MAPKAPK3: variants seen among roughly 807,000 people sequenced by gnomAD.
MAPKAPK3 encodes MAP kinase-activated protein kinase 3.
In MAPKAPK3, 35 loss-of-function variants were observed where a neutral mutation model predicts 49.2. The ratio of observed to expected loss-of-function variants is 0.71; its 90% CI spans 0.54 to 0.94. The LOEUF is 0.94. Ranked by LOEUF, MAPKAPK3 falls within the 40% of genes least tolerant of loss-of-function variation. MAPKAPK3 has a pLI of 0.00. For synonymous variants in MAPKAPK3, 178 were observed against 188.7 expected (o/e 0.94, Z 0.46); for missense variants, 398 against 493.1 (o/e 0.81, Z 1.83).
intron 6 of MAPKAPK3, among the ~76,000 whole-genome samples, chr3:50,644,965 A>G (rs140236094): frequency 6.6e-6 from 1 of 152,292 alleles, no homozygotes; most frequent in Non-Finnish European, 1.5e-5. Flanking sequence ...CGGTCACTAA[A>G]GCCAGGGCTT....
chr3:50,624,678 G>A (rs532946140), intron 2 of MAPKAPK3, among the ~76,000 whole-genome samples: 7 of 152,228 alleles, frequency 4.6e-5, no homozygotes, highest in African/African-American at 1.7e-4. Flanking sequence ...TTCCTCTGCT[G>A]GGGACATCAT....
At chr3:50,639,626 C>G (rs537186138) in intron 2 of MAPKAPK3, among the ~76,000 whole-genome samples, 55 of 152,222 alleles carry the variant, frequency 3.6e-4, no homozygotes, top group South Asian at 2.5e-3. Context: ...TACTTTTACC[C>G]CTACAGGAGT....
chr3:50,618,470 T>C (rs965563808), intron 2 of MAPKAPK3, among the ~76,000 whole-genome samples: 1 of 149,574 alleles, frequency 6.7e-6, no homozygotes, highest in African/African-American at 2.5e-5. Context: ...CTGATATAGG[T>C]GGCATGGTGG....
At chr3:50,613,123 C>G (rs963536279), upstream of MAPKAPK3, among the ~76,000 whole-genome samples, 8 of 151,772 alleles carry the variant, frequency 5.3e-5, no homozygotes, top group Admixed American at 5.2e-4. Context: ...GGGTCCACTC[C>G]CCACCCCCAT....
chr3:50,617,516 G>A lies in MAPKAPK3; in HGVS notation c.-50G>A, dbSNP rs777699096. The A allele has an allele frequency of 1.6e-5, 14 of 867,982 alleles. No homozygotes were observed. The South Asian group carries it at 1.9e-4, about 12-fold the overall frequency. The allele number at this position is 867,982 out of a possible 1,614,324, so 53.8% of individuals were successfully genotyped here. On this transcript the variant is annotated splice_region_variant and 5_prime_UTR_variant, in exon 2 of 11. Coordinates refer to ENST00000621469, the MANE Select transcript of MAPKAPK3 (RefSeq NM_001243925.2). ...CTCACTCTTCCCCTTTCCCCCAGGT[G>A]CCACTAGAAGCGCCAGGCTGGGGCC...
chr3:50,628,261 A>G (rs563936585), intron 2 of MAPKAPK3, among the ~76,000 whole-genome samples: 145 of 152,152 alleles, frequency 9.5e-4, no homozygotes, highest in Non-Finnish European at 1.7e-3. Context: ...TGCCCTGGCC[A>G]CCCCTGCTAG....
intron 2 of MAPKAPK3, among the ~76,000 whole-genome samples, chr3:50,618,349 TC>T (rs2107570946): frequency 6.6e-6 from 1 of 152,282 alleles, no homozygotes; most frequent in Non-Finnish European, 1.5e-5. Context: ...GAGTCGCTGG[TC>T]CCGTGTTGAA....
At chr3:50,646,479 C>T (rs916043523) in intron 8 of MAPKAPK3, among the ~76,000 whole-genome samples, 6 of 152,226 alleles carry the variant, frequency 3.9e-5, no homozygotes, top group Admixed American at 3.9e-4. Context: ...CTCCCTCTAA[C>T]TCCTATTCCT....
intron 6 of MAPKAPK3, among the ~76,000 whole-genome samples, chr3:50,645,477 T>C (rs1471276143): frequency 6.6e-6 from 1 of 152,182 alleles, no homozygotes; most frequent in East Asian, 1.9e-4. Context: ...GTAGAGGGGC[T>C]CAGGCCCAAG....
upstream of MAPKAPK3, among the ~76,000 whole-genome samples, chr3:50,614,523 G>GTGTT (rs1319617208): frequency 2.0e-5 from 3 of 151,562 alleles, no homozygotes; most frequent in Non-Finnish European, 2.9e-5. Flanking sequence ...GTGTGTGTGT[G>GTGTT]TGTGTGTGTG....
At chr3:50,634,889 G>GCCATGGGGACCCAGAGGCTGCT (rs1201783521) in intron 2 of MAPKAPK3, among the ~76,000 whole-genome samples, 27 of 152,314 alleles carry the variant, frequency 1.8e-4, no homozygotes, top group African/African-American at 5.8e-4. Flanking sequence ...GGATATGGAG[G>GCCATGGGGACCCAGAGGCTGCT]CCATGGGGAC....
exon 1 of MAPKAPK3, chr3:50,612,098 G>A (rs996013666): frequency 1.2e-4 from 21 of 175,864 alleles, no homozygotes; most frequent in South Asian, 3.3e-4. Context: ...AGCAGCGCGT[G>A]GACCCGGGGC....
upstream of MAPKAPK3, among the ~76,000 whole-genome samples, chr3:50,613,456 G>A (rs2032388020): frequency 6.6e-6 from 1 of 152,220 alleles, no homozygotes; most frequent in Non-Finnish European, 1.5e-5. Flanking sequence ...TTGGAATGGG[G>A]GTAGGGGGGA....
In MAPKAPK3 at chr3:50,646,137, C is replaced by T. The variant is rs760757888; in HGVS notation, c.705-3C>T. Reference sequence around the variant, plus strand: ...ATGCCAAATGACTTACCCCTTCCCCCAGCCTTTGTGGCTTCCCACCCTTCT... The same window carrying T: ...ATGCCAAATGACTTACCCCTTCCCCTAGCCTTTGTGGCTTCCCACCCTTCT... On this transcript the variant is annotated splice_polypyrimidine_tract_variant and splice_region_variant and intron_variant, in intron 7 of 10. Coordinates refer to ENST00000621469, the MANE Select transcript of MAPKAPK3 (RefSeq NM_001243925.2). 1.9e-6 allele frequency: 3 copies of T among 1,612,944 alleles called. No homozygotes were observed. Among genetic ancestry groups the T allele is most frequent in the Non-Finnish European group, 2.5e-6 (3 of 1,179,204 alleles).
At chr3:50,617,103 A>AGGG (rs1190798096), upstream of MAPKAPK3, 1 of 6,696 alleles carries the variant, frequency 1.5e-4, no homozygotes, top group African/African-American at 4.3e-4. Context: ...GGAGTGGGGG[A>AGGG]GGGGGGGGTG....
chr3:50,618,998 G>A (rs1010166504), intron 2 of MAPKAPK3, among the ~76,000 whole-genome samples: 12 of 152,092 alleles, frequency 7.9e-5, no homozygotes, highest in Non-Finnish European at 1.5e-5. Flanking sequence ...CTTTACACAA[G>A]TTTTAATTAT....
At chr3:50,626,537 C>T (rs1250781687) in intron 2 of MAPKAPK3, among the ~76,000 whole-genome samples, 1 of 152,206 alleles carries the variant, frequency 6.6e-6, no homozygotes, top group African/African-American at 2.4e-5. Flanking sequence ...ACAAGAGACC[C>T]ATAGCTCATC....
In MAPKAPK3 at chr3:50,617,604, G is replaced by T; in HGVS notation, c.39G>T (p.Val13=). 1 of 1,600,754 alleles carries T rather than the reference G, an allele frequency of 6.2e-7. No homozygotes were observed. The highest frequency in any genetic ancestry group is 8.5e-7 in the Non-Finnish European group (1 of 1,170,206). Residue 13 remains valine (V), a synonymous_variant, in exon 2 of 11, where the codon GTG becomes GTT. Transcript: ENST00000621469. ...CAGCAGAGGAGCAGGGGGGCCCTGT[G>T]CCCCCGCCAGTTGCACCCGGCGGAC... ...GETAEEQGGP[V]PPPVAPGGPG...
chr3:50,615,424 T>C (rs1235482839), upstream of MAPKAPK3, among the ~76,000 whole-genome samples: 1 of 152,238 alleles, frequency 6.6e-6, no homozygotes, highest in Non-Finnish European at 1.5e-5. Context: ...TGACTGCATG[T>C]GTACATGTGT....
Sources: gnomAD v4.1 joint callset for allele counts (sites outside exome capture counted in the v4.1 genomes callset) on GRCh38, gnomAD v4.1.1 for gene constraint, MANE v1.5 for transcripts, NCBI Gene and HGNC (gene_info 2026-07-23, HGNC 2026-07-21) for gene names.